REDIC1: variants seen among roughly 807,000 people sequenced by gnomAD.
REDIC1 encodes HEI10 Interacting Protein 1.
At chr12:39,814,589 G>C in the REDIC1 span, among the ~76,000 whole-genome samples, 3 of 152,060 alleles carry the variant, frequency 2.0e-5, no homozygotes, top group Non-Finnish European at 4.4e-5. Flanking sequence ...CTCTTTTATG[G>C]TAAAATACAT....
the REDIC1 span, among the ~76,000 whole-genome samples, chr12:39,713,467 T>C: frequency 1.3e-5 from 2 of 149,722 alleles, no homozygotes; most frequent in African/African-American, 4.9e-5. Flanking sequence ...CATTTGTATA[T>C]ATACATGTAT....
chr12:39,775,024 C>T, the REDIC1 span, among the ~76,000 whole-genome samples: 116,128 of 152,120 alleles, frequency 0.76, 45,110 homozygotes, highest in Non-Finnish European at 0.84. Context: ...GAATATTCAT[C>T]CCCTCTGTCT....
At chr12:39,856,237 G>GCATCCATCCATC in the REDIC1 span, among the ~76,000 whole-genome samples, 2 of 151,818 alleles carry the variant, frequency 1.3e-5, no homozygotes, top group East Asian at 3.9e-4. Flanking sequence ...ATCTATCCAT[G>GCATCCATCCATC]CATCCATCCA....
the REDIC1 span, among the ~76,000 whole-genome samples, chr12:39,784,471 G>T: frequency 6.6e-6 from 1 of 152,144 alleles, no homozygotes. Flanking sequence ...GCAAGAAATG[G>T]GGAAAGGATT....
chr12:39,683,481 CTA>C, the REDIC1 span: 3 of 1,586,030 alleles, frequency 1.9e-6, no homozygotes, highest in Admixed American at 5.1e-5. Context: ...CCAGCAAACT[CTA>C]TGTAAGTTTT....
At chr12:39,628,207 T>G in the REDIC1 span, among the ~76,000 whole-genome samples, 2 of 148,974 alleles carry the variant, frequency 1.3e-5, no homozygotes, top group Non-Finnish European at 2.9e-5. Flanking sequence ...AATGAAAAAC[T>G]CTTGTGAAAT....
the REDIC1 span, among the ~76,000 whole-genome samples, chr12:39,791,294 T>G: frequency 9.1e-6 from 1 of 110,482 alleles, no homozygotes; most frequent in Non-Finnish European, 1.8e-5. Context: ...ACTGGAAGCA[T>G]TCCCTTTGAA....
the REDIC1 span, among the ~76,000 whole-genome samples, chr12:39,748,292 C>G: frequency 0.14 from 20,889 of 152,044 alleles, 1,692 homozygotes; most frequent in East Asian, 0.39. Context: ...TGATAAAACA[C>G]ACTTTAAACC....
the REDIC1 span, among the ~76,000 whole-genome samples, chr12:39,878,469 G>T: frequency 6.6e-6 from 1 of 152,216 alleles, no homozygotes; most frequent in African/African-American, 2.4e-5. Flanking sequence ...TGTAGCAAAG[G>T]TCATGTGTAT....
the REDIC1 span, among the ~76,000 whole-genome samples, chr12:39,810,518 T>C: frequency 6.6e-6 from 1 of 152,146 alleles, no homozygotes; most frequent in Non-Finnish European, 1.5e-5. Context: ...GAAAATGTCA[T>C]GTAGTAGTGT....
chr12:39,804,155 G>C, the REDIC1 span, among the ~76,000 whole-genome samples: 2 of 152,084 alleles, frequency 1.3e-5, no homozygotes, highest in Admixed American at 1.3e-4. Context: ...TTATTTAGGA[G>C]ACAAACCCAC....
chr12:39,796,856 C>A, the REDIC1 span, among the ~76,000 whole-genome samples: 1 of 152,098 alleles, frequency 6.6e-6, no homozygotes, highest in South Asian at 2.1e-4. Flanking sequence ...GACATTTATG[C>A]ACCTTTGACT....
the REDIC1 span, among the ~76,000 whole-genome samples, chr12:39,788,349 G>T: frequency 6.6e-6 from 1 of 152,100 alleles, no homozygotes; most frequent in African/African-American, 2.4e-5. Flanking sequence ...ACAAATAAGG[G>T]TTACTTGAAC....
the REDIC1 span, among the ~76,000 whole-genome samples, chr12:39,883,427 A>G: frequency 1.3e-5 from 2 of 152,206 alleles, no homozygotes; most frequent in African/African-American, 4.8e-5. Flanking sequence ...CCAAACAATG[A>G]TACAAACTAG....
chr12:39,829,890 C>G, the REDIC1 span: 2 of 590,618 alleles, frequency 3.4e-6, no homozygotes, highest in Non-Finnish European at 5.8e-6. Context: ...AAATCTGGGT[C>G]TCCAAAAGTC....
chr12:39,881,151 A>G, the REDIC1 span, among the ~76,000 whole-genome samples: 2 of 152,246 alleles, frequency 1.3e-5, no homozygotes, highest in South Asian at 4.1e-4. Context: ...GAAAAAGCCA[A>G]TAAAGGTTGA....
At chr12:39,749,780 A>G in the REDIC1 span, among the ~76,000 whole-genome samples, 5 of 152,082 alleles carry the variant, frequency 3.3e-5, no homozygotes, top group Non-Finnish European at 7.4e-5. Flanking sequence ...AATCAATAAA[A>G]GTAATCCAGC....
the REDIC1 span, among the ~76,000 whole-genome samples, chr12:39,702,988 G>T: frequency 6.6e-6 from 1 of 152,150 alleles, no homozygotes; most frequent in Non-Finnish European, 1.5e-5. Context: ...TACTGAATGG[G>T]CAAAAACTGG....
At chr12:39,730,361 A>G in the REDIC1 span, among the ~76,000 whole-genome samples, 48 of 152,312 alleles carry the variant, frequency 3.2e-4, no homozygotes, top group South Asian at 1.7e-3. Context: ...GGTGGTGACA[A>G]AAATTTTTCA....
Sources: gnomAD v4.1 joint callset for allele counts (sites outside exome capture counted in the v4.1 genomes callset) on GRCh38, gnomAD v4.1.1 for gene constraint, MANE v1.5 for transcripts, NCBI Gene and HGNC (gene_info 2026-07-23, HGNC 2026-07-21) for gene names.